Variants in HDX observed in about 807,000 individuals in gnomAD.
The protein encoded by HDX is chromosome X open reading frame 43.
HDX carries 19 observed loss-of-function variants against 45.2 expected under a neutral mutation model. That is an observed-to-expected ratio of 0.42 (90% CI 0.29 to 0.62). The LOEUF (loss-of-function observed/expected upper bound fraction) is 0.62. HDX is among the 20% of genes least tolerant of loss of function. The probability of loss-of-function intolerance (pLI) is 0.20; values close to 1 mark genes in which losing one functional copy is unlikely to be tolerated. For synonymous variants in HDX, 188 were observed against 172.8 expected (o/e 1.09, Z -0.69); for missense variants, 532 against 493.9 (o/e 1.08, Z -0.73).
rs570561516 is a variant in HDX at position 84,330,564 on chromosome X, A to G, written c.1824+3195T>C. Among the ~76,000 whole-genome samples, 14 of 111,726 alleles carry G rather than the reference A, an allele frequency of 1.3e-4. No individual in the cohort carries two copies. In the South Asian group the frequency reaches 4.8e-3, roughly 38 times the overall value. ...TAGTATTCATTGTTGGAGCAGTAGTATTAGTAAAGTGCTGACCAGGAAGTC... is the reference window on the plus strand; with the variant it reads ...TAGTATTCATTGTTGGAGCAGTAGTGTTAGTAAAGTGCTGACCAGGAAGTC... On this transcript the variant is annotated intron_variant, in intron 9 of 10. Transcript: ENST00000373177.
chrX:84,371,725 T>A (rs2037899523), intron 5 of HDX, among the ~76,000 whole-genome samples: 1 of 111,989 alleles, frequency 8.9e-6, no homozygotes, highest in Admixed American at 9.5e-5. Context: ...CCATTCAAAG[T>A]ATCTCAGGTT....
chrX:84,330,260 T>C (rs760755290), intron 9 of HDX, among the ~76,000 whole-genome samples: 7 of 111,739 alleles, frequency 6.3e-5, no homozygotes, highest in African/African-American at 2.3e-4. Flanking sequence ...AACATGGAAG[T>C]AGCCTATGAC....
chrX:84,466,129 G>C, intron 4 of HDX, among the ~76,000 whole-genome samples: 1 of 112,074 alleles, frequency 8.9e-6, no homozygotes, highest in Middle Eastern at 4.6e-3. Flanking sequence ...AGTACTACAA[G>C]TTTTCTTTCT....
At chrX:84,372,721 T>C (rs2037927326) in intron 5 of HDX, among the ~76,000 whole-genome samples, 1 of 112,182 alleles carries the variant, frequency 8.9e-6, no homozygotes, top group African/African-American at 3.2e-5. Context: ...AGGTTTATCA[T>C]AGATATGACT....
chrX:84,330,961 T>C (rs2036830181), intron 9 of HDX, among the ~76,000 whole-genome samples: 3 of 111,692 alleles, frequency 2.7e-5, no homozygotes, highest in Non-Finnish European at 5.7e-5. Flanking sequence ...TTACTGAATA[T>C]CATAAAACAA....
At chrX:84,402,555 T>A (rs1372297291) in intron 5 of HDX, among the ~76,000 whole-genome samples, 5 of 111,829 alleles carry the variant, frequency 4.5e-5, no homozygotes, top group African/African-American at 1.6e-4. Flanking sequence ...GATGTACCAC[T>A]ATTTGCTTGC....
At chrX:84,408,955 G>A (rs1333269419) in intron 5 of HDX, among the ~76,000 whole-genome samples, 1 of 110,952 alleles carries the variant, frequency 9.0e-6, no homozygotes, top group Admixed American at 9.7e-5. Context: ...AGAGCTAGAA[G>A]CCTTCTGACA....
intron 4 of HDX, among the ~76,000 whole-genome samples, chrX:84,456,196 G>A (rs1400325770): frequency 9.0e-6 from 1 of 111,601 alleles, no homozygotes; most frequent in Non-Finnish European, 1.9e-5. Flanking sequence ...CTATTATTGT[G>A]ATATTTAAAA....
At chrX:84,480,013 A>G (rs971519615) in intron 2 of HDX, among the ~76,000 whole-genome samples, 1 of 111,607 alleles carries the variant, frequency 9.0e-6, no homozygotes, top group East Asian at 2.8e-4. Flanking sequence ...CTAATTATTT[A>G]TATCTTGCCT....
chrX:84,466,994 AG>A (rs2040362965), intron 4 of HDX, among the ~76,000 whole-genome samples: 1 of 111,503 alleles, frequency 9.0e-6, no homozygotes, highest in Admixed American at 9.5e-5. Context: ...ACAACACTGA[AG>A]GGGTAAAGAA....
chrX:84,479,399 CT>C (rs899923377), intron 2 of HDX, among the ~76,000 whole-genome samples: 1 of 111,812 alleles, frequency 8.9e-6, no homozygotes, highest in Non-Finnish European at 1.9e-5. Flanking sequence ...TAGTTTGTTC[CT>C]TTTTCTTGTA....
chrX:84,465,083 A>G (rs878896085), intron 4 of HDX, among the ~76,000 whole-genome samples: 3 of 112,564 alleles, frequency 2.7e-5, no homozygotes, highest in Admixed American at 1.9e-4. Flanking sequence ...GCTCATCATC[A>G]CTAGTCATTA....
chrX:84,454,905 G>C (rs1268090051), intron 4 of HDX, among the ~76,000 whole-genome samples: 1 of 110,441 alleles, frequency 9.1e-6, no homozygotes, highest in Admixed American at 9.6e-5. Context: ...AAAAGTAAGG[G>C]AAGAGAACAA....
chrX:84,496,689 GTGTC>G (rs2148211444), intron 1 of HDX, among the ~76,000 whole-genome samples: 1 of 111,708 alleles, frequency 9.0e-6, no homozygotes, highest in East Asian at 2.8e-4. Context: ...CCTAAATAAA[GTGTC>G]TGACTCATTA....
chrX:84,462,732 GA>G (rs887574555), intron 4 of HDX, among the ~76,000 whole-genome samples: 2 of 110,504 alleles, frequency 1.8e-5, no homozygotes, highest in South Asian at 7.5e-4. Context: ...AATAAACTTA[GA>G]AAAAAATTAA....
intron 2 of HDX, among the ~76,000 whole-genome samples, chrX:84,479,602 G>A (rs1391082714): frequency 8.9e-6 from 1 of 111,816 alleles, no homozygotes; most frequent in African/African-American, 3.3e-5. Context: ...TATGGTAAGT[G>A]TATGTTTAAT....
intron 6 of HDX, among the ~76,000 whole-genome samples, chrX:84,345,438 A>C (rs918614977): frequency 5.4e-5 from 6 of 111,319 alleles, no homozygotes; most frequent in African/African-American, 2.0e-4. Context: ...CATTCCCTGG[A>C]GATTCATTCA....
Position 84,361,542 on chromosome X carries a change from G to T in HDX, c.1376C>A (p.Thr459Asn). The T allele has an allele frequency of 8.3e-7, 1 of 1,203,770 alleles. No individual in the cohort carries two copies. The highest frequency in any genetic ancestry group is 1.1e-6 in the Non-Finnish European group (1 of 889,150). The change falls in exon 6 of 11, where the codon ACC (threonine) becomes AAC (asparagine). Residue 459 changes from threonine to asparagine, a missense_variant. Coordinates refer to ENST00000373177, the MANE Select transcript of HDX (RefSeq NM_001177479.2). ...TLKKYWDNGM[T>N]SLGSVCREKI... ...CTCTCTACAAACAGAGCCCAGGCTG[G>T]TCATGCCATTGTCCCAATACTTCTT...
intron 4 of HDX, among the ~76,000 whole-genome samples, chrX:84,460,786 G>A (rs1023153644): frequency 2.7e-5 from 3 of 111,589 alleles, no homozygotes; most frequent in South Asian, 3.7e-4. Context: ...CATGTATTTG[G>A]AAAAATCTAA....
Sources: allele counts gnomAD v4.1 joint callset (sites outside exome capture counted in the v4.1 genomes callset), GRCh38; gene constraint gnomAD v4.1.1; transcripts MANE v1.5; gene names NCBI Gene and HGNC (gene_info 2026-07-23, HGNC 2026-07-21).